The following LAMP1 variants were observed in gnomAD, a reference collection of about 807,000 sequenced individuals.
LAMP1 encodes lysosome associated membrane protein 1.
Under a neutral mutation model 37.5 loss-of-function variants are expected in LAMP1, and 7 were observed. The ratio of observed to expected loss-of-function variants is 0.19; its 90% CI spans 0.11 to 0.35. The LOEUF (loss-of-function observed/expected upper bound fraction) is 0.35. LAMP1 is among the 10% of genes least tolerant of loss of function. The probability of loss-of-function intolerance (pLI) is 1.00; values close to 1 mark genes in which losing one functional copy is unlikely to be tolerated. For synonymous variants in LAMP1, 236 were observed against 229.1 expected (o/e 1.03, Z -0.27); for missense variants, 537 against 552.8 (o/e 0.97, Z 0.29).
chr13:113,316,337 T>G (rs920079619), intron 4 of LAMP1, among the ~76,000 whole-genome samples: 1 of 152,048 alleles, frequency 6.6e-6, no homozygotes, highest in African/African-American at 2.4e-5. Flanking sequence ...GCACGCTTGT[T>G]GAATGAATCA....
intron 1 of LAMP1, among the ~76,000 whole-genome samples, chr13:113,299,492 C>T (rs1454732991): frequency 1.3e-5 from 2 of 151,738 alleles, no homozygotes; most frequent in Non-Finnish European, 2.9e-5. Context: ...CTCGATCTCC[C>T]GACCTCGTGA....
intron 2 of LAMP1, among the ~76,000 whole-genome samples, chr13:113,306,999 A>C (rs1002693430): frequency 1.2e-4 from 17 of 147,616 alleles, no homozygotes; most frequent in Non-Finnish European, 2.4e-4. Flanking sequence ...GCCACCACGC[A>C]CAGCTAATAT....
chr13:113,320,699 T>A lies in LAMP1; in HGVS notation c.876+229T>A. 1 of 538,590 alleles carries A rather than the reference T, an allele frequency of 1.9e-6. No individual in the cohort carries two copies. The highest frequency in any genetic ancestry group is 3.3e-6 in the Non-Finnish European group (1 of 303,022). The allele number at this position is 538,590 out of a possible 1,614,324, so 33.4% of individuals were successfully genotyped here. On this transcript the variant is annotated intron_variant, in intron 6 of 8. Coordinates refer to ENST00000332556, the MANE Select transcript of LAMP1 (RefSeq NM_005561.4). The surrounding 1 kb of genome is among the most constrained non-coding windows in gnomAD (Gnocchi z 4.4). ...GGGGCTGCTGTGCCCACAGTTGGAG[T>A]GGCTGCAGGGGAGGGCATGCAGGCC...
chr13:113,317,858 T>TA (rs869200118), intron 4 of LAMP1, among the ~76,000 whole-genome samples: 1 of 152,164 alleles, frequency 6.6e-6, no homozygotes, highest in Non-Finnish European at 1.5e-5. Context: ...GCTCATTTTT[T>TA]AAAAAAACTT....
chr13:113,322,236 G>T (rs759006600), intron 8 of LAMP1, 46 bp from the exon 9 acceptor site: 4 of 1,568,770 alleles, frequency 2.5e-6, no homozygotes, highest in Non-Finnish European at 1.7e-6. Flanking sequence ...CTGTTTGCAG[G>T]CCCCTGTGTG....
chr13:113,319,781 G>A, intron 5 of LAMP1, 125 bp downstream of exon 5: 1 of 900,710 alleles, frequency 1.1e-6, no homozygotes, highest in Non-Finnish European at 1.7e-6. Flanking sequence ...AGCTTAGCTT[G>A]CAGGACGTGA....
chr13:113,321,323 A>G lies in LAMP1; in HGVS notation c.877-81A>G, dbSNP rs1304742488. On this transcript the variant is annotated intron_variant, in intron 6 of 8. Coordinates refer to ENST00000332556, the MANE Select transcript of LAMP1 (RefSeq NM_005561.4). The surrounding 1 kb of genome is among the most constrained non-coding windows in gnomAD (Gnocchi z 5.6). Reference sequence around the variant, plus strand: ...ACCCAATGACCATTCACGTTTGATGATAAATGTGTGAATCTACTGGGGTTA... The same window carrying G: ...ACCCAATGACCATTCACGTTTGATGGTAAATGTGTGAATCTACTGGGGTTA... The G allele has an allele frequency of 9.7e-6, 11 of 1,135,522 alleles. No individual in the cohort carries two copies. The highest frequency in any genetic ancestry group is 1.2e-5 in the Non-Finnish European group (9 of 744,094). The allele number at this position is 1,135,522 out of a possible 1,614,324, so 70.3% of individuals were successfully genotyped here. A position where few individuals can be genotyped will look rare whatever the true frequency, so the allele number is the denominator to read the frequency against.
chr13:113,301,706 C>G (rs113003722), intron 1 of LAMP1, among the ~76,000 whole-genome samples: 1 of 139,740 alleles, frequency 7.2e-6, no homozygotes, highest in African/African-American at 2.8e-5. Context: ...CACACACACA[C>G]ACTTATACCT....
At chr13:113,318,840 G>A (rs1001297419) in intron 4 of LAMP1, among the ~76,000 whole-genome samples, 3 of 152,092 alleles carry the variant, frequency 2.0e-5, no homozygotes, top group South Asian at 2.1e-4. Flanking sequence ...AGCCTTGCCC[G>A]CCTTTGAGTC....
rs2042709297 is a variant in LAMP1 at position 113,322,668 on chromosome 13, TGAGGGTGGGGGTGCTCTCTCTGA to T, written c.*249_*271del. On this transcript the variant is annotated 3_prime_UTR_variant, in exon 9 of 9. Coordinates refer to ENST00000332556, the MANE Select transcript of LAMP1 (RefSeq NM_005561.4). The stretch of plus-strand genomic sequence containing the variant: ...ATTAATATTTACCAAAGTAGGATTT[TGAGGGTGGGGGTGCTCTCTCTGA>T]GGGGGTGGGGGTGCCGCTGTCTCTG... The T allele has an allele frequency of 6.9e-6, 1 of 145,642 alleles. No individual in the cohort carries two copies. The allele number at this position is 145,642 out of a possible 1,614,324, so 9.0% of individuals were successfully genotyped here.
chr13:113,316,300 G>C (rs564725243), intron 4 of LAMP1, among the ~76,000 whole-genome samples: 1 of 152,064 alleles, frequency 6.6e-6, no homozygotes, highest in Admixed American at 6.6e-5. Flanking sequence ...GGGTGTCTTC[G>C]TCTTTTATCC....
chr13:113,307,868 A>C (rs1222344970), intron 2 of LAMP1, among the ~76,000 whole-genome samples: 2 of 134,188 alleles, frequency 1.5e-5, no homozygotes, highest in Non-Finnish European at 3.1e-5. Flanking sequence ...CTGAGGTGGG[A>C]GGATTGCTTG....
intron 4 of LAMP1, among the ~76,000 whole-genome samples, chr13:113,317,282 G>A (rs117879134): frequency 0.025 from 3,756 of 152,298 alleles, 66 homozygotes; most frequent in Non-Finnish European, 0.038. Flanking sequence ...AGTGCGTTCC[G>A]TGATGAGCTC....
At chr13:113,314,877 C>T (rs1484154712) in intron 4 of LAMP1, among the ~76,000 whole-genome samples, 4 of 123,820 alleles carry the variant, frequency 3.2e-5, no homozygotes, top group Admixed American at 8.1e-5. Context: ...TGCCAGTGTG[C>T]CTGGGGCGTG....
chr13:113,303,592 A>G (rs977702104), intron 1 of LAMP1, among the ~76,000 whole-genome samples: 4 of 151,672 alleles, frequency 2.6e-5, no homozygotes, highest in African/African-American at 9.7e-5. Context: ...CCCTTATAGC[A>G]TACATACATT....
rs943308118 is a variant in LAMP1 at position 113,322,608 on chromosome 13, C to G, written c.*187C>G. The G allele has an allele frequency of 4.4e-6, 2 of 456,960 alleles. No individual in the cohort carries two copies. Among genetic ancestry groups the G allele is most frequent in the Admixed American group, 4.2e-5 (1 of 23,608 alleles). The allele number at this position is 456,960 out of a possible 1,614,324, so 28.3% of individuals were successfully genotyped here. A position where few individuals can be genotyped will look rare whatever the true frequency, so the allele number is the denominator to read the frequency against. ...TATCGAAATGACGGTGTTAATTTTG[C>G]TAACTGGGTTAAATATTTTGCTAAC... is the stretch of plus-strand genomic sequence containing the variant. On this transcript the variant is annotated 3_prime_UTR_variant, in exon 9 of 9. Coordinates refer to ENST00000332556, the MANE Select transcript of LAMP1 (RefSeq NM_005561.4).
chr13:113,309,817 T>G lies in LAMP1; in HGVS notation c.358T>G (p.Tyr120Asp), dbSNP rs376324908. The G allele has an allele frequency of 5.6e-6, 9 of 1,613,842 alleles. No individual in the cohort carries two copies. The African/African-American group carries it at 1.1e-4, about 19-fold the overall frequency. The change falls in exon 3 of 9, where the codon TAT (tyrosine) becomes GAT (aspartate). Residue 120 changes from tyrosine to aspartate, a missense_variant. Coordinates refer to ENST00000332556, the MANE Select transcript of LAMP1 (RefSeq NM_005561.4). The stretch of plus-strand genomic sequence containing the variant: ...CAGCGTCCAGCTCATGAGTTTTGTT[T>G]ATAACTTGTCAGACACACACCTTTT... ...RYSVQLMSFV[Y>D]NLSDTHLFPN...
intron 1 of LAMP1, among the ~76,000 whole-genome samples, chr13:113,301,639 AAAAAAATATATATATATATATATATAT>A (rs1383901435): frequency 0.038 from 1,179 of 31,156 alleles, 103 homozygotes; most frequent in East Asian, 0.19. Context: ...AAAAAAAAAA[AAAAAAATATATATATATATATATATAT>A]ATATATATAT....
chr13:113,314,182 G>A (rs1475946907), intron 4 of LAMP1, among the ~76,000 whole-genome samples: 3 of 103,348 alleles, frequency 2.9e-5, no homozygotes, highest in South Asian at 3.3e-4. Flanking sequence ...ACTAGAGGGA[G>A]TCAGTGTGGA....
Sources: gnomAD v4.1 joint callset for allele counts (sites outside exome capture counted in the v4.1 genomes callset) on GRCh38, gnomAD v4.1.1 for gene constraint, Gnocchi (gnomAD v3.1) non-coding constraint, MANE v1.5 for transcripts, NCBI Gene and HGNC (gene_info 2026-07-23, HGNC 2026-07-21) for gene names.